Variants in RB1 observed in about 807,000 individuals in gnomAD.
RB1 encodes RB transcriptional corepressor 1, also known as retinoblastoma-associated protein.
A neutral mutation model predicts 135.4 loss-of-function variants in RB1; 18 were observed. The observed-to-expected ratio is 0.13, with a 90% CI of 0.09 to 0.20. The LOEUF is 0.20. Ranked by LOEUF, RB1 falls within the 10% of genes least tolerant of loss-of-function variation. RB1 has a pLI of 1.00. For missense variants in RB1, 868 were observed against 1,110.0 expected (o/e 0.78, Z 3.10); for synonymous variants, 365 against 373.2 (o/e 0.98, Z 0.25).
intron 17 of RB1, among the ~76,000 whole-genome samples, chr13:48,410,786 C>T (rs1270368136): frequency 6.6e-6 from 1 of 152,112 alleles, no homozygotes; most frequent in Non-Finnish European, 1.5e-5. Flanking sequence ...AAATTGCCTA[C>T]ACAGACCAAA....
At chr13:48,452,821 T>C (rs112574770) in intron 17 of RB1, among the ~76,000 whole-genome samples, 172 bp from the exon 18 acceptor site, 1 of 152,296 alleles carries the variant, frequency 6.6e-6, no homozygotes, top group African/African-American at 2.4e-5. Flanking sequence ...ACAAAAATTG[T>C]CAATTGGGAA....
In RB1 at chr13:48,456,229, A is replaced by G. The variant is rs751060248; in HGVS notation, c.1840A>G (p.Lys614Glu). 1.9e-6 allele frequency: 3 copies of G among 1,614,066 alleles called. No homozygotes were observed. Among genetic ancestry groups the G allele is most frequent in the African/African-American group, 2.7e-5 (2 of 74,940 alleles). The part of the protein sequence containing the change: ...DMYLSPVRSP[K>E]KKGSTTRVNS... ...GTATCTTTCTCCTGTAAGATCTCCA[A>G]AGAAAAAAGGTTCAACTACGCGTGT... The change falls in exon 19 of 27, where the codon AAG becomes GAG. Residue 614 changes from lysine to glutamate, a missense_variant. Around this residue, in one of 3 missense-constraint regions of RB1, gnomAD observed 641 missense variants for 791.3 expected, o/e 0.81. Coordinates refer to ENST00000267163, the MANE Select transcript of RB1 (RefSeq NM_000321.3).
At chr13:48,397,744 T>C (rs138290917) in intron 17 of RB1, among the ~76,000 whole-genome samples, 53 of 152,292 alleles carry the variant, frequency 3.5e-4, no homozygotes, top group African/African-American at 1.2e-3. Flanking sequence ...GAATAGCCCA[T>C]AGTTTTAGAG....
At chr13:48,395,664 T>G (rs2138169309) in intron 17 of RB1, among the ~76,000 whole-genome samples, 1 of 151,694 alleles carries the variant, frequency 6.6e-6, no homozygotes. Context: ...AAATAAAGCG[T>G]GATGACAAGA....
At chr13:48,414,242 G>A (rs755280788) in intron 17 of RB1, among the ~76,000 whole-genome samples, 1 of 151,810 alleles carries the variant, frequency 6.6e-6, no homozygotes, top group Non-Finnish European at 1.5e-5. Context: ...AGCTACCCAG[G>A]AGACTGAGGC....
At chr13:48,471,666 A>G (rs1288612581) in intron 23 of RB1, among the ~76,000 whole-genome samples, 3 of 151,890 alleles carry the variant, frequency 2.0e-5, no homozygotes, top group African/African-American at 4.8e-5. Flanking sequence ...TTTGAGAACA[A>G]TTTGAGAACC....
intron 17 of RB1, among the ~76,000 whole-genome samples, chr13:48,404,732 G>A (rs1444016781): frequency 6.6e-6 from 1 of 151,940 alleles, no homozygotes; most frequent in East Asian, 1.9e-4. Context: ...TCACCATGTT[G>A]GTTAGCCTGA....
chr13:48,350,306 A>G (rs1277863295), intron 6 of RB1, among the ~76,000 whole-genome samples: 1 of 152,210 alleles, frequency 6.6e-6, no homozygotes, highest in Non-Finnish European at 1.5e-5. Context: ...TTAAAAAAGC[A>G]TGAAATAATA....
chr13:48,397,228 A>G (rs1948655699), intron 17 of RB1, among the ~76,000 whole-genome samples: 1 of 152,228 alleles, frequency 6.6e-6, no homozygotes, highest in African/African-American at 2.4e-5. Context: ...ACAATAGCAA[A>G]GACTTGAAAC....
intron 20 of RB1, 21 bp from the exon 21 acceptor site, chr13:48,463,710 T>C (rs745806058): frequency 7.4e-7 from 1 of 1,349,018 alleles, no homozygotes; most frequent in Admixed American, 1.7e-5. Flanking sequence ...CTGACTACTT[T>C]TACATCAATT....
chr13:48,414,993 A>AT (rs34952137), intron 17 of RB1, among the ~76,000 whole-genome samples: 47 of 150,048 alleles, frequency 3.1e-4, no homozygotes, highest in Admixed American at 1.4e-3. Flanking sequence ...TCTTACTGTT[A>AT]TTTTTTTTTT....
chr13:48,317,746 G>A, intron 2 of RB1: 1 of 439,126 alleles, frequency 2.3e-6, no homozygotes, highest in Non-Finnish European at 3.9e-6. Flanking sequence ...CAGGTCGGCT[G>A]TGCCCTGTGC....
chr13:48,354,403 A>G (rs1254014819), intron 6 of RB1, among the ~76,000 whole-genome samples: 1 of 152,184 alleles, frequency 6.6e-6, no homozygotes, highest in Non-Finnish European at 1.5e-5. Context: ...GATGAAAACC[A>G]TAGAATACTG....
chr13:48,417,696 C>A (rs1180929078), intron 17 of RB1, among the ~76,000 whole-genome samples: 1 of 95,522 alleles, frequency 1.0e-5, no homozygotes. Context: ...CATAAATGAC[C>A]TGATGGAGCT....
At position 48,480,387 on chromosome 13, in the gene RB1, T is replaced by A. The variant is rs187845274; in HGVS notation, c.*316T>A. 121 of 414,434 alleles carry A rather than the reference T, an allele frequency of 2.9e-4. 2 individuals are homozygous for A. Among genetic ancestry groups the A allele is most frequent in the African/African-American group, 2.3e-3 (118 of 50,650 alleles). The allele number at this position is 414,434 out of a possible 1,614,324, so 25.7% of individuals were successfully genotyped here. A position where few individuals can be genotyped will look rare whatever the true frequency, so the allele number is the denominator to read the frequency against. ...AAGAATGGCCCTAGAGTGGGAGTCC[T>A]GATAACCCAGGCCTGTCTGACTACT... On this transcript the variant is annotated 3_prime_UTR_variant, in exon 27 of 27. Coordinates refer to ENST00000267163, the MANE Select transcript of RB1 (RefSeq NM_000321.3).
At chr13:48,412,897 G>C (rs548131945) in intron 17 of RB1, 1 of 175,982 alleles carries the variant, frequency 5.7e-6, no homozygotes, top group South Asian at 1.6e-4. Context: ...TTTCAGTGCA[G>C]AGTTTCAGAG....
At chr13:48,449,458 G>T (rs533985448) in intron 17 of RB1, among the ~76,000 whole-genome samples, 9 of 152,192 alleles carry the variant, frequency 5.9e-5, no homozygotes, top group Non-Finnish European at 1.3e-4. Flanking sequence ...TGGTTTGCCT[G>T]TTGGCTTTCC....
chr13:48,393,213 A>C (rs898852492), intron 17 of RB1, among the ~76,000 whole-genome samples: 1 of 152,218 alleles, frequency 6.6e-6, no homozygotes, highest in African/African-American at 2.4e-5. Context: ...TACTCAGCTG[A>C]AGACTCAAGC....
chr13:48,359,894 CTT>C, intron 6 of RB1, 121 bp from the exon 7 acceptor site: 1 of 1,281,782 alleles, frequency 7.8e-7, no homozygotes, highest in East Asian at 2.9e-5. Flanking sequence ...GAAAGAAAAT[CTT>C]TACCATGCTG....
Sources: allele counts gnomAD v4.1 joint callset (sites outside exome capture counted in the v4.1 genomes callset), GRCh38; gene constraint gnomAD v4.1.1; regional missense constraint gnomAD v4.1.1; transcripts MANE v1.5; gene names NCBI Gene and HGNC (gene_info 2026-07-23, HGNC 2026-07-21).